Variants in CCDC7 observed in about 807,000 individuals in gnomAD.
CCDC7 encodes the protein coiled-coil domain containing 7.
In CCDC7, 183 loss-of-function variants were observed where a neutral mutation model predicts 196.9. That is an observed-to-expected ratio of 0.93 (90% CI 0.82 to 1.05). The LOEUF is 1.05. CCDC7 is among the 50% of genes least tolerant of loss of function. The probability of loss-of-function intolerance (pLI) is 0.00; values close to 1 mark genes in which losing one functional copy is unlikely to be tolerated. For synonymous variants in CCDC7, 525 were observed against 484.6 expected (o/e 1.08, Z -1.10); for missense variants, 1,540 against 1,482.2 (o/e 1.04, Z -0.64).
At chr10:32,763,547 A>G (rs1248422539) in intron 28 of CCDC7, among the ~76,000 whole-genome samples, 1 of 151,986 alleles carries the variant, frequency 6.6e-6, no homozygotes, top group Non-Finnish European at 1.5e-5. Flanking sequence ...TCCATGTAAC[A>G]GTACTCACAA....
chr10:32,508,932 ATTTTTTTTTTT>A, intron 9 of CCDC7, among the ~76,000 whole-genome samples: 1 of 117,100 alleles, frequency 8.5e-6, no homozygotes, highest in Admixed American at 1.0e-4. Flanking sequence ...TGTGCCTGGC[ATTTTTTTTTTT>A]TTTTTTTTTG....
intron 16 of CCDC7, among the ~76,000 whole-genome samples, chr10:32,578,775 CA>C (rs945549486): frequency 2.6e-5 from 4 of 152,130 alleles, no homozygotes; most frequent in African/African-American, 9.6e-5. Context: ...GTTTGTGGTC[CA>C]GGGGTTGGGG....
At chr10:32,705,985 G>A (rs2079669891) in intron 24 of CCDC7, among the ~76,000 whole-genome samples, 1 of 152,088 alleles carries the variant, frequency 6.6e-6, no homozygotes, top group South Asian at 2.1e-4. Context: ...GACATCTACA[G>A]AACTTTCCAC....
chr10:32,834,737 C>A, intron 32 of CCDC7, 78 bp from the exon 34 acceptor site: 1 of 568,500 alleles, frequency 1.8e-6, no homozygotes, highest in Non-Finnish European at 3.2e-6. Context: ...TACAAATATA[C>A]TATCACATAC....
intron 9 of CCDC7, among the ~76,000 whole-genome samples, chr10:32,493,161 C>T (rs1405794279): frequency 1.3e-5 from 2 of 151,654 alleles, no homozygotes; most frequent in Admixed American, 6.6e-5. Context: ...CCAACATCTC[C>T]GCATTTTCCC....
chr10:32,820,716 A>C (rs975820639), intron 31 of CCDC7, among the ~76,000 whole-genome samples: 1 of 152,210 alleles, frequency 6.6e-6, no homozygotes, highest in Non-Finnish European at 1.5e-5. Flanking sequence ...GAAATGGGGA[A>C]AGGATTCCCT....
In CCDC7 at chr10:32,778,970, C is replaced by T. The variant is rs1470772263; in HGVS notation, c.2906-7C>T. 6.5e-7 allele frequency: 1 copy of T among 1,542,090 alleles called. No individual in the cohort carries two copies. Among genetic ancestry groups the T allele is most frequent in the Non-Finnish European group, 8.8e-7 (1 of 1,140,342 alleles). On this transcript the variant is annotated splice_region_variant and splice_polypyrimidine_tract_variant and intron_variant, in intron 28 of 41. Coordinates refer to ENST00000639629, the Ensembl canonical transcript of CCDC7. ...TCAACTACTTTGACAATCTGTTATT[C>T]TTACAGTTAAAAATGAAGCAGCCTC...
intron 41 of CCDC7, among the ~76,000 whole-genome samples, chr10:32,868,986 G>A (rs2094320410): frequency 6.6e-6 from 1 of 152,102 alleles, no homozygotes; most frequent in Admixed American, 6.5e-5. Flanking sequence ...CATTTGGGTT[G>A]GTTCAAAGTC....
chr10:32,755,544 T>C (rs957287000), intron 28 of CCDC7, among the ~76,000 whole-genome samples: 1 of 152,088 alleles, frequency 6.6e-6, no homozygotes, highest in African/African-American at 2.4e-5. Flanking sequence ...GGGTCTTGAC[T>C]GTTAGAAGGA....
chr10:32,619,653 A>T (rs1198204582), intron 18 of CCDC7, among the ~76,000 whole-genome samples: 2 of 152,150 alleles, frequency 1.3e-5, no homozygotes, highest in Non-Finnish European at 2.9e-5. Context: ...CAGATAAATG[A>T]ACAAAATAAA....
intron 37 of CCDC7, among the ~76,000 whole-genome samples, chr10:32,847,613 G>A (rs1362987043): frequency 6.6e-6 from 1 of 151,504 alleles, no homozygotes; most frequent in Admixed American, 6.6e-5. Context: ...TACTTGGAGA[G>A]GCCAAGGCGG....
At chr10:32,661,300 A>G (rs541359227) in intron 20 of CCDC7, among the ~76,000 whole-genome samples, 5 of 150,888 alleles carry the variant, frequency 3.3e-5, no homozygotes, top group African/African-American at 2.4e-5. Context: ...TAGAATGGCA[A>G]TCATTAAAAA....
intron 28 of CCDC7, among the ~76,000 whole-genome samples, chr10:32,735,034 G>A (rs573922200): frequency 4.0e-5 from 6 of 150,674 alleles, no homozygotes; most frequent in African/African-American, 1.2e-4. Flanking sequence ...TATTTACACA[G>A]TCTTTTGTAA....
chr10:32,776,017 A>G (rs1270768675), intron 28 of CCDC7, among the ~76,000 whole-genome samples: 3 of 147,766 alleles, frequency 2.0e-5, no homozygotes, highest in African/African-American at 5.0e-5. Flanking sequence ...CATTCTCAGT[A>G]AACTATCGCA....
chr10:32,568,418 T>C (rs2057157952), intron 15 of CCDC7, among the ~76,000 whole-genome samples: 1 of 152,194 alleles, frequency 6.6e-6, no homozygotes, highest in Non-Finnish European at 1.5e-5. Context: ...CACATAAGCA[T>C]CTGAGATTTG....
At chr10:32,645,003 G>A (rs1275975746) in intron 20 of CCDC7, among the ~76,000 whole-genome samples, 2 of 152,046 alleles carry the variant, frequency 1.3e-5, no homozygotes, top group African/African-American at 4.8e-5. Flanking sequence ...TGTGGAACCA[G>A]ACTAATACAA....
intron 18 of CCDC7, among the ~76,000 whole-genome samples, chr10:32,584,591 A>G (rs1170683271): frequency 6.6e-6 from 1 of 151,690 alleles, no homozygotes; most frequent in Non-Finnish European, 1.5e-5. Context: ...CCCTGTCTCT[A>G]TTAAAAATAC....
chr10:32,693,577 A>G (rs757501611), intron 23 of CCDC7, among the ~76,000 whole-genome samples: 11 of 152,174 alleles, frequency 7.2e-5, no homozygotes, highest in Non-Finnish European at 1.3e-4. Context: ...TACCATATGT[A>G]CTATACCATA....
At chr10:32,684,058 T>C (rs555252168) in intron 21 of CCDC7, among the ~76,000 whole-genome samples, 1 of 152,078 alleles carries the variant, frequency 6.6e-6, no homozygotes, top group Non-Finnish European at 1.5e-5. Context: ...CTCAGAGAAA[T>C]GCAGAGCTGC....
Sources: allele counts gnomAD v4.1 joint callset (sites outside exome capture counted in the v4.1 genomes callset), GRCh38; gene constraint gnomAD v4.1.1; transcripts MANE v1.5; gene names NCBI Gene and HGNC (gene_info 2026-07-23, HGNC 2026-07-21).